The following PCDHA5 variants were observed in gnomAD, a reference collection of about 807,000 sequenced individuals.
PCDHA5 encodes the protein protocadherin alpha 5, also known as protocadherin alpha-5.
In PCDHA5, 43 loss-of-function variants were observed where a neutral mutation model predicts 61.6. The observed-to-expected ratio is 0.70, with a 90% CI of 0.55 to 0.90. The LOEUF is 0.90. PCDHA5 is among the 40% of genes least tolerant of loss of function. The probability of loss-of-function intolerance (pLI) is 0.00; values close to 1 mark genes in which losing one functional copy is unlikely to be tolerated. For missense variants in PCDHA5, 1,298 were observed against 1,222.7 expected (o/e 1.06, Z -0.92); for synonymous variants, 627 against 543.9 (o/e 1.15, Z -2.13).
At chr5:140,929,545 A>T in intron 1 of PCDHA5, 1 of 514,856 alleles carries the variant, frequency 1.9e-6, no homozygotes, top group Non-Finnish European at 3.2e-6. Context: ...ACAAGGGCAA[A>T]AATTAAAACC....
At position 140,823,212 on chromosome 5, in the gene PCDHA5, G is replaced by A. The variant is rs1282468969; in HGVS notation, c.1437G>A (p.Arg479=). 6.2e-7 allele frequency: 1 copy of A among 1,613,666 alleles called. No individual in the cohort carries two copies. Among genetic ancestry groups the A allele is most frequent in the African/African-American group, 1.3e-5 (1 of 74,928 alleles). ...PGCHIFTVSA[R]DADAQENALV... Reference sequence around the variant, plus strand: ...GCCACATCTTCACGGTGTCTGCACGGGACGCGGACGCGCAGGAGAACGCCC... The same window carrying A: ...GCCACATCTTCACGGTGTCTGCACGAGACGCGGACGCGCAGGAGAACGCCC... The change falls in exon 1 of 4, where the codon CGG becomes CGA. Residue 479 remains arginine (R), a synonymous_variant. Transcript: ENST00000529859.
chr5:140,879,479 G>A (rs992823540), intron 1 of PCDHA5, among the ~76,000 whole-genome samples: 10 of 152,196 alleles, frequency 6.6e-5, no homozygotes, highest in Non-Finnish European at 1.3e-4. Context: ...GTTGTGATTG[G>A]AAATATGGGT....
chr5:140,861,565 T>C (rs1191527978), intron 1 of PCDHA5: 2 of 376,886 alleles, frequency 5.3e-6, no homozygotes, highest in South Asian at 4.9e-5. Flanking sequence ...GTGGACAAGC[T>C]GCTACAGGTT....
chr5:140,825,114 T>C (rs1037237517), intron 1 of PCDHA5: 1 of 151,798 alleles, frequency 6.6e-6, no homozygotes, highest in Non-Finnish European at 1.5e-5. Context: ...ACAAATAAAC[T>C]TCCCTACCCC....
At chr5:141,000,421 A>ATATTTTTTTTTTT (rs1265241806) in intron 3 of PCDHA5, among the ~76,000 whole-genome samples, 1 of 27,968 alleles carries the variant, frequency 3.6e-5, no homozygotes, top group African/African-American at 1.8e-4. Flanking sequence ...ATATATATAT[A>ATATTTTTTTTTTT]TTTTTTTTTT....
chr5:140,937,785 G>T (rs962276976), intron 1 of PCDHA5, among the ~76,000 whole-genome samples: 2 of 150,438 alleles, frequency 1.3e-5, no homozygotes, highest in African/African-American at 4.9e-5. Flanking sequence ...GGTGGCGGGC[G>T]TATGTAGTCC....
At chr5:140,850,650 A>G in intron 1 of PCDHA5, 1 of 1,598,426 alleles carries the variant, frequency 6.3e-7, no homozygotes, top group Non-Finnish European at 8.6e-7. Context: ...GCTGCTGTAC[A>G]CTGTGCTGCG....
intron 1 of PCDHA5, chr5:140,829,077 C>A (rs2150162312): frequency 1.2e-6 from 2 of 1,611,602 alleles, no homozygotes; most frequent in East Asian, 4.5e-5. Context: ...GGCCATCCTC[C>A]CATGGCGGGT....
At chr5:140,972,228 C>G (rs1295473743) in intron 1 of PCDHA5, among the ~76,000 whole-genome samples, 1 of 151,964 alleles carries the variant, frequency 6.6e-6, no homozygotes, top group Admixed American at 6.5e-5. Flanking sequence ...CAGCCTCGAC[C>G]TTCTGGGCTC....
At chr5:140,903,787 A>G (rs782220484) in intron 1 of PCDHA5, among the ~76,000 whole-genome samples, 10 of 152,174 alleles carry the variant, frequency 6.6e-5, no homozygotes, top group Non-Finnish European at 1.3e-4. Context: ...TAAACTATCT[A>G]TGGTTGTAAT....
chr5:140,841,832 A>C lies in PCDHA5; in HGVS notation c.2352+17705A>C, dbSNP rs2150323829. The C allele has an allele frequency of 3.7e-6, 6 of 1,613,806 alleles. No homozygotes were observed. The South Asian group carries it at 5.5e-5, about 15-fold the overall frequency. ...TGGAGCTAACTCCGTGTTAACCTAC[A>C]GGCTTAGCTCTCATGATTACTTCAT... is the stretch of plus-strand genomic sequence containing the variant. On this transcript the variant is annotated intron_variant, in intron 1 of 3. Coordinates refer to ENST00000529859, the MANE Select transcript of PCDHA5 (RefSeq NM_018908.3).
At position 140,823,889 on chromosome 5, in the gene PCDHA5, C is replaced by A. The variant is rs2150130096; in HGVS notation, c.2114C>A (p.Ala705Glu). ...GTGTACCTGATCATCGCCATCTGTG[C>A]GGTGTCCAGCCTGCTGGTGCTCACG... ...VNVYLIIAIC[A>E]VSSLLVLTLL... The change falls in exon 1 of 4, where the codon GCG becomes GAG. Residue 705 changes from alanine to glutamate, a missense_variant. Coordinates refer to ENST00000529859, the MANE Select transcript of PCDHA5 (RefSeq NM_018908.3). 23 of 1,613,944 alleles carry A rather than the reference C, an allele frequency of 1.4e-5. No homozygotes were observed. Among genetic ancestry groups the A allele is most frequent in the South Asian group, 7.7e-5 (7 of 91,086 alleles).
chr5:140,926,404 A>G (rs192980510), intron 1 of PCDHA5: 1 of 152,612 alleles, frequency 6.6e-6, no homozygotes, highest in African/African-American at 2.4e-5. Context: ...GTTATCAGCA[A>G]TCTGCGGGCA....
rs138591837 is a variant in PCDHA5 at position 140,843,301 on chromosome 5, C to T, written c.2352+19174C>T. The T allele has an allele frequency of 6.3e-6, 10 of 1,595,850 alleles. 1 individual carries two copies. The African/African-American group carries it at 6.7e-5, about 11-fold the overall frequency. On this transcript the variant is annotated intron_variant, in intron 1 of 3. Transcript: ENST00000529859. The stretch of plus-strand genomic sequence containing the variant: ...AGGATCATGGTGAACCTGCGCTGAC[C>T]GCCACGGCCACGGTTCTGGTGTCGC...
chr5:140,974,350 C>A (rs555781549), intron 1 of PCDHA5, among the ~76,000 whole-genome samples: 1 of 152,186 alleles, frequency 6.6e-6, no homozygotes, highest in African/African-American at 2.4e-5. Context: ...GCATCCAGAA[C>A]TAAACAGACC....
At chr5:140,965,356 A>T (rs1554227617) in intron 1 of PCDHA5, among the ~76,000 whole-genome samples, 3 of 152,194 alleles carry the variant, frequency 2.0e-5, no homozygotes, top group African/African-American at 7.2e-5. Flanking sequence ...CCTCTATAGC[A>T]GTACAAGAGG....
chr5:140,964,305 A>T (rs1163722863), intron 1 of PCDHA5, among the ~76,000 whole-genome samples: 1 of 152,246 alleles, frequency 6.6e-6, no homozygotes, highest in African/African-American at 2.4e-5. Flanking sequence ...AATACCTACA[A>T]GGCCTAAAAC....
chr5:140,927,862 G>T, intron 1 of PCDHA5: 1 of 1,614,200 alleles, frequency 6.2e-7, no homozygotes. Context: ...AGCTAGCACC[G>T]CTAAACTGCT....
chr5:140,924,886 A>G (rs190850675), intron 1 of PCDHA5, among the ~76,000 whole-genome samples: 11 of 137,270 alleles, frequency 8.0e-5, no homozygotes, highest in Admixed American at 3.0e-4. Context: ...CAGAGCAAGA[A>G]CCTGTCTCAA....
Sources: allele counts gnomAD v4.1 joint callset (sites outside exome capture counted in the v4.1 genomes callset), GRCh38; gene constraint gnomAD v4.1.1; transcripts MANE v1.5; gene names NCBI Gene and HGNC (gene_info 2026-07-23, HGNC 2026-07-21).